Variants in CD5L observed in about 807,000 individuals in gnomAD.
The protein encoded by CD5L is CD5 antigen-like.
A neutral mutation model predicts 40.8 loss-of-function variants in CD5L; 39 were observed. That is an observed-to-expected ratio of 0.96 (90% CI 0.74 to 1.25). The LOEUF is 1.25. Ranked by LOEUF, CD5L falls within the 50% of genes most tolerant of loss-of-function variation. The pLI is 0.00. For missense variants in CD5L, 433 were observed against 435.9 expected, an observed-to-expected ratio of 0.99 and a Z score of 0.06; for synonymous variants, 192 against 169.6, an observed-to-expected ratio of 1.13 and a Z score of -1.03.
At chr1:157,841,177 C>T (rs1656360894) in intron 1 of CD5L, among the ~76,000 whole-genome samples, 1 of 152,148 alleles carries the variant, frequency 6.6e-6, no homozygotes, top group African/African-American at 2.4e-5. Flanking sequence ...ATCCAGGTCT[C>T]CTTGGCTCCA....
Position 157,835,862 on chromosome 1 carries a change from C to A in CD5L, c.349G>T (p.Asp117Tyr), listed in dbSNP as rs771728798. The A allele has an allele frequency of 6.2e-7, 1 of 1,613,682 alleles. No individual in the cohort carries two copies. The stretch of plus-strand genomic sequence containing the variant: ...TCACACGATGCCCCAGCATCTTCAT[C>A]ATGTGAACAATCATAAACTTCTTCT... ...EQEEVYDCSHDEDAGASCENP... is the reference protein window; with the variant it reads ...EQEEVYDCSHYEDAGASCENP... The change falls in exon 3 of 6, where the codon GAT (aspartate) becomes TAT (tyrosine). Residue 117 changes from aspartate to tyrosine, a missense_variant. Coordinates refer to ENST00000368174, the MANE Select transcript of CD5L (RefSeq NM_005894.3).
chr1:157,833,845 A>C (rs1656117634), intron 4 of CD5L, among the ~76,000 whole-genome samples: 1 of 149,844 alleles, frequency 6.7e-6, no homozygotes, highest in South Asian at 2.1e-4. Context: ...TCTTGGGCTC[A>C]AGTGCTCCTC....
Position 157,834,557 on chromosome 1 carries a change from G to C in CD5L, c.568C>G (p.Arg190Gly). The C allele has an allele frequency of 1.9e-6, 3 of 1,614,158 alleles. No homozygotes were observed. The highest frequency in any genetic ancestry group is 2.5e-6 in the Non-Finnish European group (3 of 1,180,024). ...CGGCCATAGGCATGCTTGTTGCAGC[G>C]TTTTTGAGTCAGTACAGCCCTCCCA... ...GCGRAVLTQKRCNKHAYGRKP... is the reference protein window; with the variant it reads ...GCGRAVLTQKGCNKHAYGRKP... The change falls in exon 4 of 6, where the codon CGC (arginine) becomes GGC (glycine). Residue 190 changes from arginine to glycine, a missense_variant. Coordinates refer to ENST00000368174, the MANE Select transcript of CD5L (RefSeq NM_005894.3).
chr1:157,832,779 G>A (rs1017676797), intron 5 of CD5L, among the ~76,000 whole-genome samples: 14 of 152,188 alleles, frequency 9.2e-5, no homozygotes, highest in African/African-American at 3.4e-4. Context: ...ACCTTGGGTT[G>A]AGAGTAAAGA....
rs564711774 is a variant in CD5L, at chr1:157,837,399, C to A, written c.56-1244G>T. Among the ~76,000 whole-genome samples the A allele has an allele frequency of 1.5e-3, 234 of 152,170 alleles. 1 individual carries two copies. The highest frequency in any genetic ancestry group is 5.5e-3 in the African/African-American group (229 of 41,508). Reference sequence around the variant, plus strand: ...TTTGTTAGTTAGTGAACTCAGAGAACAGTGATGAGTTCTGCCCTCAAGAAG... The same window carrying A: ...TTTGTTAGTTAGTGAACTCAGAGAAAAGTGATGAGTTCTGCCCTCAAGAAG... On this transcript the variant is annotated intron_variant, in intron 2 of 5. Transcript: ENST00000368174.
downstream of CD5L, among the ~76,000 whole-genome samples, chr1:157,829,920 T>C (rs1022668501): frequency 6.6e-6 from 1 of 152,224 alleles, no homozygotes; most frequent in African/African-American, 2.4e-5. Flanking sequence ...TATGTTCCCC[T>C]CTGAGCATCT....
rs1433616129 is a variant in CD5L at position 157,831,061 on chromosome 1, C to T, written c.*903G>A. 3.0e-6 allele frequency: 3 copies of T among 985,416 alleles called. No homozygotes were observed. The highest frequency in any genetic ancestry group is 3.6e-6 in the Non-Finnish European group (3 of 829,916). The allele number at this position is 985,416 out of a possible 1,614,324, so 61.0% of individuals were successfully genotyped here. A position where few individuals can be genotyped will look rare whatever the true frequency, so the allele number is the denominator to read the frequency against. On this transcript the variant is annotated 3_prime_UTR_variant, in exon 6 of 6. Transcript: ENST00000368174. ...TTATTTCTGTCTTGCCTCAAGCTTACAGGCCCCAAAGTCTCAGTTGATAAA... is the reference window on the plus strand; with the variant it reads ...TTATTTCTGTCTTGCCTCAAGCTTATAGGCCCCAAAGTCTCAGTTGATAAA...
Position 157,833,451 on chromosome 1 carries a change from C to CAG in CD5L, c.778_779dup (p.His261CysfsTer109). The CAG allele has an allele frequency of 6.2e-7, 1 of 1,614,176 alleles. No individual in the cohort carries two copies. Among genetic ancestry groups the CAG allele is most frequent in the Non-Finnish European group, 8.5e-7 (1 of 1,180,032 alleles). The stretch of plus-strand genomic sequence containing the variant: ...AGACAGAGCCCCATACGCCCTTGTG[C>CAG]AGCACCTCCAGTCGCCCAGAGCAGA... On this transcript the variant is annotated frameshift_variant, in exon 5 of 6. Transcript: ENST00000368174. LOFTEE classifies it high-confidence loss of function.
At chr1:157,834,818 T>A (rs377686616) in intron 3 of CD5L, 70 bp from the exon 4 acceptor site, 1 of 1,202,428 alleles carries the variant, frequency 8.3e-7, no homozygotes, top group Non-Finnish European at 1.2e-6. Context: ...GGCGGCCCAA[T>A]GGACACATCT....
intron 3 of CD5L, 49 bp downstream of exon 3, chr1:157,835,786 T>G (rs200374311): frequency 1.3e-6 from 2 of 1,489,668 alleles, no homozygotes. Flanking sequence ...AGAGTGGCCG[T>G]GAGGGGTATG....
chr1:157,830,771 C>A (rs75442953), downstream of CD5L: 1 of 185,576 alleles, frequency 5.4e-6, no homozygotes. Context: ...GACAGTTGCA[C>A]ACCCAGAGGA....
rs1656060816 is a variant in CD5L, at chr1:157,831,885, T to A, written c.*79A>T. 2 of 1,510,680 alleles carry A rather than the reference T, an allele frequency of 1.3e-6. No individual in the cohort carries two copies. Among genetic ancestry groups the A allele is most frequent in the East Asian group, 2.4e-5 (1 of 41,662 alleles). 93.6% of individuals were successfully genotyped at this position (1,510,680 alleles called of 1,614,324 possible). A position where few individuals can be genotyped will look rare whatever the true frequency, so the allele number is the denominator to read the frequency against. On this transcript the variant is annotated 3_prime_UTR_variant, in exon 6 of 6. Transcript: ENST00000368174. ...GCTCAAGCCTGAGCCCCAGAATGAGTATGAGGATAATCAGGGCTCAGGAGA... is the reference window on the plus strand; with the variant it reads ...GCTCAAGCCTGAGCCCCAGAATGAGAATGAGGATAATCAGGGCTCAGGAGA...
downstream of CD5L, chr1:157,830,810 G>C: frequency 3.0e-6 from 1 of 331,530 alleles, no homozygotes; most frequent in Non-Finnish European, 4.3e-6. Flanking sequence ...GTTGTAACTG[G>C]AAGGTTCTCT....
intron 2 of CD5L, 117 bp from the exon 3 acceptor site, chr1:157,836,272 C>G: frequency 1.2e-6 from 1 of 820,936 alleles, no homozygotes; most frequent in Middle Eastern, 2.4e-4. Flanking sequence ...TGTTGGGGAA[C>G]TAGAAATAAG....
rs764040217 is a variant in CD5L at position 157,833,231 on chromosome 1, C to T, written c.1000G>A (p.Asp334Asn). The change falls in exon 5 of 6, where the codon GAC becomes AAC. Residue 334 changes from aspartate (D) to asparagine (N), a missense_variant. By Grantham distance (23) the Asp-to-Asn change is conservative. Coordinates refer to ENST00000368174, the MANE Select transcript of CD5L (RefSeq NM_005894.3). The stretch of plus-strand genomic sequence containing the variant: ...GCCACATCTTCCTGGTGGGTGCAGT[C>T]GTGAAACCCCCAAAATCTGTGCTGG... ...QCQHRFWGFHDCTHQEDVAVI... is the reference protein window; with the variant it reads ...QCQHRFWGFHNCTHQEDVAVI... The T allele has an allele frequency of 3.1e-6, 5 of 1,614,076 alleles. No homozygotes were observed. Among genetic ancestry groups the T allele is most frequent in the Admixed American group, 3.3e-5 (2 of 60,018 alleles).
chr1:157,835,607 A>G (rs982986066), intron 3 of CD5L, among the ~76,000 whole-genome samples: 1 of 152,224 alleles, frequency 6.6e-6, no homozygotes, highest in Non-Finnish European at 1.5e-5. Flanking sequence ...AAGTTCTCAT[A>G]TAGATTGAAA....
intron 2 of CD5L, among the ~76,000 whole-genome samples, chr1:157,837,961 A>G (rs1656265596): frequency 6.6e-6 from 1 of 151,852 alleles, no homozygotes; most frequent in South Asian, 2.1e-4. Flanking sequence ...TATTTTTAGT[A>G]GAGACGGGAT....
At chr1:157,841,552 G>A (rs1656372517) in intron 1 of CD5L, 122 bp downstream of exon 1, 4 of 774,032 alleles carry the variant, frequency 5.2e-6, no homozygotes, top group Admixed American at 2.8e-5. Context: ...AATGTAAAAA[G>A]GAGGAAGAAG....
chr1:157,829,894 T>C (rs895473362), downstream of CD5L, among the ~76,000 whole-genome samples: 3 of 152,146 alleles, frequency 2.0e-5, no homozygotes, highest in Admixed American at 2.0e-4. Flanking sequence ...TTTCTGGGGT[T>C]TCTGTGTGTC....
Sources: gnomAD v4.1 joint callset for allele counts (sites outside exome capture counted in the v4.1 genomes callset) on GRCh38, gnomAD v4.1.1 for gene constraint, MANE v1.5 for transcripts, NCBI Gene and HGNC (gene_info 2026-07-23, HGNC 2026-07-21) for gene names.